Variants in COL23A1 observed in about 807,000 individuals in gnomAD.
The protein encoded by COL23A1 is collagen type XXIII alpha 1 chain.
A neutral mutation model predicts 99.3 loss-of-function variants in COL23A1; 97 were observed. The observed-to-expected ratio is 0.98, with a 90% CI of 0.83 to 1.16. The LOEUF is 1.16. Ranked by LOEUF, COL23A1 falls within the 50% of genes most tolerant of loss-of-function variation. The pLI, the probability that COL23A1 is intolerant of heterozygous loss-of-function variation, is 0.00. For synonymous variants in COL23A1, 320 were observed against 308.2 expected (o/e 1.04, Z -0.40); for missense variants, 762 against 757.4 (o/e 1.01, Z -0.07).
intron 2 of COL23A1, among the ~76,000 whole-genome samples, chr5:178,433,976 T>C (rs1766407079): frequency 6.6e-6 from 1 of 152,168 alleles, no homozygotes; most frequent in Admixed American, 6.5e-5. Flanking sequence ...GAGAGGCAGC[T>C]ACCTGCAAGC....
intron 2 of COL23A1, among the ~76,000 whole-genome samples, chr5:178,399,775 G>C (rs887827729): frequency 6.6e-6 from 1 of 152,206 alleles, no homozygotes; most frequent in African/African-American, 2.4e-5. Context: ...AACCTCACTC[G>C]AGGAGATACT....
At chr5:178,293,914 G>A (rs113186836) in intron 3 of COL23A1, among the ~76,000 whole-genome samples, 56 of 152,176 alleles carry the variant, frequency 3.7e-4, no homozygotes, top group African/African-American at 1.3e-3. Flanking sequence ...AGGAGGCCAC[G>A]GAGTCCAGAG....
intron 2 of COL23A1, among the ~76,000 whole-genome samples, chr5:178,503,812 T>TA (rs796933100): frequency 5.2e-4 from 78 of 150,466 alleles, no homozygotes; most frequent in African/African-American, 1.6e-3. Flanking sequence ...AATAAAACAT[T>TA]AAAAAAAAAG....
intron 2 of COL23A1, among the ~76,000 whole-genome samples, chr5:178,377,080 T>A (rs1763109481): frequency 6.6e-6 from 1 of 152,272 alleles, no homozygotes; most frequent in East Asian, 1.9e-4. Flanking sequence ...GCCTGTTTCA[T>A]GGGGTCTGAC....
At chr5:178,289,825 G>A (rs1279406601) in intron 4 of COL23A1, among the ~76,000 whole-genome samples, 3 of 152,158 alleles carry the variant, frequency 2.0e-5, no homozygotes, top group East Asian at 1.9e-4. Flanking sequence ...AGAACGTTCC[G>A]GCGAACAGGT....
intron 2 of COL23A1, among the ~76,000 whole-genome samples, chr5:178,484,634 T>C (rs968827698): frequency 2.0e-5 from 3 of 151,898 alleles, no homozygotes; most frequent in Non-Finnish European, 4.4e-5. Context: ...CCATCCTGGC[T>C]AACACGGTGA....
intron 2 of COL23A1, among the ~76,000 whole-genome samples, chr5:178,401,862 C>A (rs2127765578): frequency 6.6e-6 from 1 of 152,258 alleles, no homozygotes; most frequent in Non-Finnish European, 1.5e-5. Context: ...GTTGCCCAGG[C>A]TGGAGTGCAA....
intron 2 of COL23A1, among the ~76,000 whole-genome samples, chr5:178,538,110 G>A (rs1190193083): frequency 6.6e-6 from 1 of 152,184 alleles, no homozygotes; most frequent in Non-Finnish European, 1.5e-5. Flanking sequence ...CTATTCATCT[G>A]TGCTACAGCT....
chr5:178,254,866 G>A, intron 16 of COL23A1, 83 bp downstream of exon 16: 2 of 1,219,526 alleles, frequency 1.6e-6, no homozygotes, highest in Non-Finnish European at 2.4e-6. Context: ...GTAAAAAAGT[G>A]CAGGATTAAT....
At chr5:178,253,365 A>G (rs1765134161) in intron 16 of COL23A1, among the ~76,000 whole-genome samples, 1 of 148,796 alleles carries the variant, frequency 6.7e-6, no homozygotes, top group African/African-American at 2.5e-5. Context: ...ACCCTCCCCC[A>G]GGCCCAGGCC....
chr5:178,364,606 C>G (rs946373828), intron 2 of COL23A1, among the ~76,000 whole-genome samples: 8 of 152,116 alleles, frequency 5.3e-5, no homozygotes, highest in African/African-American at 1.9e-4. Context: ...CAGCAGACAC[C>G]GAATTATAGT....
At chr5:178,316,864 G>A (rs1759009662) in intron 2 of COL23A1, among the ~76,000 whole-genome samples, 1 of 148,744 alleles carries the variant, frequency 6.7e-6, no homozygotes, top group Non-Finnish European at 1.5e-5. Flanking sequence ...AAAAAAAAAC[G>A]TTGCTTGGCA....
chr5:178,460,091 AT>A (rs60554919), intron 2 of COL23A1, among the ~76,000 whole-genome samples: 3,177 of 152,062 alleles, frequency 0.021, 131 homozygotes, highest in African/African-American at 0.073. Context: ...CGAACCTGGG[AT>A]TTGTTAGGGA....
In COL23A1 at chr5:178,589,915, G is replaced by T; in HGVS notation, c.283C>A (p.Leu95Met). 1 of 1,316,606 alleles carries T rather than the reference G, an allele frequency of 7.6e-7. No individual in the cohort carries two copies. The highest frequency in any genetic ancestry group is 2.8e-4 in the Middle Eastern group (1 of 3,596). The allele number at this position is 1,316,606 out of a possible 1,614,324, so 81.6% of individuals were successfully genotyped here. A position where few individuals can be genotyped will look rare whatever the true frequency, so the allele number is the denominator to read the frequency against. The change falls in exon 1 of 29, where the codon CTG becomes ATG. Residue 95 changes from leucine to methionine, a missense_variant. Physicochemically the swap from Leu to Met is conservative, Grantham distance 15 (BLOSUM62 2). Coordinates refer to ENST00000390654, the MANE Select transcript of COL23A1 (RefSeq NM_173465.4). This position sits in a 1 kb window ranked among gnomAD's most constrained non-coding sequence, Gnocchi z 5.4. ...GCCAAGACGCTCACCTCCCGCAGCA[G>T]GCGCTCCAGGTGCGGCTCGGCCCAG... is the stretch of plus-strand genomic sequence containing the variant. The part of the protein sequence containing the change: ...DAWAEPHLER[L>M]LREKLDGLAK...
intron 2 of COL23A1, among the ~76,000 whole-genome samples, chr5:178,485,340 T>C (rs1193669804): frequency 6.7e-6 from 1 of 149,844 alleles, no homozygotes. Context: ...CTGGGCGTGG[T>C]GGTGTGTGCC....
At chr5:178,519,375 C>G (rs1734566296) in intron 2 of COL23A1, among the ~76,000 whole-genome samples, 1 of 152,192 alleles carries the variant, frequency 6.6e-6, no homozygotes, top group African/African-American at 2.4e-5. Context: ...ACTCACAAGT[C>G]TCCCATGACC....
At chr5:178,325,685 G>A (rs1047130328) in intron 2 of COL23A1, among the ~76,000 whole-genome samples, 4 of 152,152 alleles carry the variant, frequency 2.6e-5, no homozygotes, top group Admixed American at 6.5e-5. Flanking sequence ...AGCTGGGACC[G>A]TGTTGGCTTG....
At chr5:178,584,277 T>C (rs892547349) in intron 1 of COL23A1, among the ~76,000 whole-genome samples, 1 of 150,874 alleles carries the variant, frequency 6.6e-6, no homozygotes, top group Admixed American at 6.6e-5. Context: ...CCCAAAGTGC[T>C]GGGATTACAG....
chr5:178,446,468 G>A (rs574958277), intron 2 of COL23A1, among the ~76,000 whole-genome samples: 1 of 152,036 alleles, frequency 6.6e-6, no homozygotes, highest in African/African-American at 2.4e-5. Flanking sequence ...AGATTATATA[G>A]TTGATTTTAA....
Sources: gnomAD v4.1 joint callset for allele counts (sites outside exome capture counted in the v4.1 genomes callset) on GRCh38, gnomAD v4.1.1 for gene constraint, Gnocchi (gnomAD v3.1) non-coding constraint, MANE v1.5 for transcripts, NCBI Gene and HGNC (gene_info 2026-07-23, HGNC 2026-07-21) for gene names.